ROBO2: variants seen among roughly 807,000 people sequenced by gnomAD.
ROBO2 encodes the protein roundabout guidance receptor 2.
Under a neutral mutation model 160.8 loss-of-function variants are expected in ROBO2, and 53 were observed. That is an observed-to-expected ratio of 0.33 (90% CI 0.26 to 0.41). The LOEUF is 0.41. Ranked by LOEUF, ROBO2 falls within the 10% of genes least tolerant of loss-of-function variation. The probability of loss-of-function intolerance (pLI) is 1.00; values close to 1 mark genes in which losing one functional copy is unlikely to be tolerated. For synonymous variants in ROBO2, 664 were observed against 611.7 expected, an observed-to-expected ratio of 1.09 and a Z score of -1.26; for missense variants, 1,577 against 1,722.4, an observed-to-expected ratio of 0.92 and a Z score of 1.49.
chr3:76,534,657 G>C (rs570717845), intron 2 of ROBO2, among the ~76,000 whole-genome samples: 5 of 152,224 alleles, frequency 3.3e-5, no homozygotes, highest in Admixed American at 3.3e-4. Context: ...ATGCTGGTCT[G>C]CTTGCCAAAC....
At chr3:76,695,373 C>T (rs1026107994) in intron 2 of ROBO2, among the ~76,000 whole-genome samples, 47 of 151,966 alleles carry the variant, frequency 3.1e-4, no homozygotes, top group African/African-American at 9.9e-4. Flanking sequence ...CTTAGTAGGC[C>T]GTCTTCATAA....
At chr3:76,166,398 C>T (rs1373324053) in intron 2 of ROBO2, among the ~76,000 whole-genome samples, 1 of 152,118 alleles carries the variant, frequency 6.6e-6, no homozygotes, top group Non-Finnish European at 1.5e-5. Context: ...AGCTCATGTT[C>T]AGCTCATTTT....
At chr3:76,932,893 G>A (rs1232846893) in intron 2 of ROBO2, among the ~76,000 whole-genome samples, 1 of 151,976 alleles carries the variant, frequency 6.6e-6, no homozygotes, top group East Asian at 1.9e-4. Context: ...TAATGAAGCT[G>A]CCCCCGCCCC....
chr3:76,660,923 A>G (rs930204128), intron 2 of ROBO2, among the ~76,000 whole-genome samples: 1 of 152,188 alleles, frequency 6.6e-6, no homozygotes, highest in Non-Finnish European at 1.5e-5. Context: ...ATATATCTAT[A>G]GGTAGAAAAA....
At chr3:76,011,619 T>C (rs981732871) in intron 2 of ROBO2, among the ~76,000 whole-genome samples, 1 of 152,034 alleles carries the variant, frequency 6.6e-6, no homozygotes, top group Non-Finnish European at 1.5e-5. Context: ...ACAGAAAAGA[T>C]AAAAGGTTCA....
intron 2 of ROBO2, among the ~76,000 whole-genome samples, chr3:76,635,818 C>T (rs2090300103): frequency 6.6e-6 from 1 of 152,158 alleles, no homozygotes; most frequent in South Asian, 2.1e-4. Flanking sequence ...TTTATTGTAG[C>T]CAATGTTTTC....
At chr3:76,659,744 C>T (rs1575779260) in intron 2 of ROBO2, among the ~76,000 whole-genome samples, 2 of 152,218 alleles carry the variant, frequency 1.3e-5, no homozygotes, top group South Asian at 2.1e-4. Flanking sequence ...AATAATCTGC[C>T]ATTAGGGAGG....
At chr3:77,168,990 A>G (rs2079370805) in intron 2 of ROBO2, among the ~76,000 whole-genome samples, 1 of 152,210 alleles carries the variant, frequency 6.6e-6, no homozygotes, top group South Asian at 2.1e-4. Context: ...GGAAATGGAG[A>G]GCAGCAGTGA....
At chr3:77,544,142 G>A (rs2092603522) in intron 6 of ROBO2, among the ~76,000 whole-genome samples, 1 of 148,418 alleles carries the variant, frequency 6.7e-6, no homozygotes, top group South Asian at 2.1e-4. Flanking sequence ...AATACCTGGT[G>A]GTTTCACATT....
At chr3:76,804,531 T>C (rs985528019) in intron 2 of ROBO2, among the ~76,000 whole-genome samples, 2 of 152,228 alleles carry the variant, frequency 1.3e-5, no homozygotes, top group Non-Finnish European at 2.9e-5. Context: ...TAGGTCAAAC[T>C]TTCTGCATAG....
chr3:76,619,264 C>T (rs1456854474), intron 2 of ROBO2, among the ~76,000 whole-genome samples: 2 of 149,690 alleles, frequency 1.3e-5, no homozygotes, highest in African/African-American at 2.5e-5. Flanking sequence ...GGCGTGAACC[C>T]GGGAGGCGGA....
rs1292663372 is a variant in ROBO2 at position 76,640,318 on chromosome 3, G to C, written c.110-457696G>C. On this transcript the variant is annotated intron_variant, in intron 2 of 26. Coordinates refer to the ROBO2 transcript ENST00000487694. ...AGCCTAGGGGAGCGGATTGCCTGAG[G>C]TCAGGAGTTTGAGACCAGTCTGACC... Among the ~76,000 whole-genome samples the C allele has an allele frequency of 2.6e-5, 4 of 152,272 alleles. No homozygotes were observed. In the East Asian group the frequency reaches 5.8e-4, roughly 22 times the overall value.
chr3:76,231,007 G>T (rs1704589297), intron 2 of ROBO2, among the ~76,000 whole-genome samples: 1 of 152,002 alleles, frequency 6.6e-6, no homozygotes, highest in Non-Finnish European at 1.5e-5. Flanking sequence ...TAAGAGAGAG[G>T]CACGAATCAC....
rs141047487 is a variant in ROBO2, at chr3:77,012,852, T to C, written c.110-85162T>C. On this transcript the variant is annotated intron_variant, in intron 2 of 26. Transcript: ENST00000487694. Reference sequence around the variant, plus strand: ...GTTGTGAATTACCTTTTGTGGCATCTTACTAAACTCAGTCCAATTATATTT... The same window carrying C: ...GTTGTGAATTACCTTTTGTGGCATCCTACTAAACTCAGTCCAATTATATTT... 9.2e-5 allele frequency among the ~76,000 whole-genome samples: 14 copies of C among 152,338 alleles called. No homozygotes were observed. The East Asian group carries it at 2.7e-3, about 29-fold the overall frequency.
At chr3:76,421,533 C>A (rs1335440073) in intron 2 of ROBO2, among the ~76,000 whole-genome samples, 2 of 151,996 alleles carry the variant, frequency 1.3e-5, no homozygotes, top group East Asian at 3.9e-4. Flanking sequence ...GTGACACCAG[C>A]CTGACCAACG....
intron 1 of ROBO2, among the ~76,000 whole-genome samples, chr3:75,909,691 TACTC>T (rs1408527599): frequency 1.3e-5 from 2 of 152,338 alleles, no homozygotes; most frequent in Admixed American, 6.5e-5. Flanking sequence ...GTATGTGTGA[TACTC>T]ACTGTCATTT....
chr3:77,345,249 G>T (rs1391308972), intron 2 of ROBO2, among the ~76,000 whole-genome samples: 2 of 152,140 alleles, frequency 1.3e-5, no homozygotes, highest in Admixed American at 1.3e-4. Context: ...CCTGCTGGGT[G>T]TCCCCACAGG....
chr3:77,133,475 C>T (rs2076024373), intron 2 of ROBO2, among the ~76,000 whole-genome samples: 1 of 152,048 alleles, frequency 6.6e-6, no homozygotes, highest in Non-Finnish European at 1.5e-5. Flanking sequence ...GAAATCTTGA[C>T]ATTATATTTA....
At position 77,568,416 on chromosome 3, in the gene ROBO2, G is replaced by A. The variant is rs764034371; in HGVS notation, c.1953G>A (p.Thr651=). The A allele has an allele frequency of 1.9e-5, 31 of 1,612,848 alleles. No homozygotes were observed. In the South Asian group the frequency reaches 3.2e-4, roughly 17 times the overall value. Residue 651 remains threonine (T), a synonymous_variant, in exon 13 of 26, where the codon ACG becomes ACA. Transcript: ENST00000461745. The stretch of plus-strand genomic sequence containing the variant: ...ATCCAGTTGTGCTGACTCCCACCAC[G>A]GTTCAGGTCACATGGACGGTAAGCT...
Sources: allele counts gnomAD v4.1 joint callset (sites outside exome capture counted in the v4.1 genomes callset), GRCh38; gene constraint gnomAD v4.1.1; transcripts MANE v1.5; gene names NCBI Gene and HGNC (gene_info 2026-07-23, HGNC 2026-07-21).